Variants in SLC1A1 observed in about 807,000 individuals in gnomAD.
The protein encoded by SLC1A1 is excitatory amino acid transporter 3.
In SLC1A1, 43 loss-of-function variants were observed where a neutral mutation model predicts 53.3. The observed-to-expected ratio is 0.81, with a 90% CI of 0.63 to 1.04. SLC1A1 has a LOEUF of 1.04. Among genes scored for constraint, SLC1A1 ranks in the 50% least tolerant of loss-of-function variants. The pLI is 0.00. For synonymous variants in SLC1A1, 307 were observed against 243.2 expected (o/e 1.26, Z -2.44); for missense variants, 748 against 664.9 (o/e 1.12, Z -1.37).
At chr9:4,530,889 GTATGCTAA>G (rs753251847) in intron 1 of SLC1A1, among the ~76,000 whole-genome samples, 1 of 152,166 alleles carries the variant, frequency 6.6e-6, no homozygotes, top group Non-Finnish European at 1.5e-5. Context: ...ACCTAAAAAT[GTATGCTAA>G]TATGAACCTT....
At chr9:4,537,695 C>T (rs1274430457) in intron 1 of SLC1A1, among the ~76,000 whole-genome samples, 2 of 151,074 alleles carry the variant, frequency 1.3e-5, no homozygotes, top group African/African-American at 4.9e-5. Context: ...TGTATGATTA[C>T]ATTTATAGGA....
intron 1 of SLC1A1, among the ~76,000 whole-genome samples, chr9:4,537,937 A>T (rs1465507955): frequency 2.7e-5 from 4 of 150,476 alleles, no homozygotes; most frequent in African/African-American, 5.0e-5. Flanking sequence ...ATCTCAAAAA[A>T]AATTTACAAA....
chr9:4,579,318 A>G (rs902716842), intron 10 of SLC1A1, among the ~76,000 whole-genome samples: 39 of 152,184 alleles, frequency 2.6e-4, no homozygotes, highest in African/African-American at 9.2e-4. Flanking sequence ...TTACTTTTAC[A>G]TTTCCAAGGG....
At chr9:4,555,784 T>C (rs901898516) in intron 2 of SLC1A1, among the ~76,000 whole-genome samples, 2 of 152,206 alleles carry the variant, frequency 1.3e-5, no homozygotes, top group Non-Finnish European at 2.9e-5. Context: ...CATCTCAATC[T>C]GGTGACAGTT....
At chr9:4,532,644 A>T (rs1449861302) in intron 1 of SLC1A1, among the ~76,000 whole-genome samples, 2 of 152,238 alleles carry the variant, frequency 1.3e-5, no homozygotes, top group African/African-American at 4.8e-5. Flanking sequence ...ACTCTGCAGA[A>T]TATTATCCAG....
At chr9:4,576,841 C>G in intron 10 of SLC1A1, 78 bp downstream of exon 10, 2 of 1,249,848 alleles carry the variant, frequency 1.6e-6, no homozygotes, top group South Asian at 2.4e-5. Flanking sequence ...GAAGGGACAC[C>G]AAGAATGTCG....
At chr9:4,530,977 G>C (rs889768442) in intron 1 of SLC1A1, among the ~76,000 whole-genome samples, 5 of 152,176 alleles carry the variant, frequency 3.3e-5, no homozygotes, top group African/African-American at 1.2e-4. Context: ...AACTGTCAAG[G>C]ATTGGAGCAT....
At chr9:4,508,049 C>T (rs1820862685) in intron 1 of SLC1A1, among the ~76,000 whole-genome samples, 1 of 152,118 alleles carries the variant, frequency 6.6e-6, no homozygotes, top group Non-Finnish European at 1.5e-5. Context: ...AAGTCTGAGC[C>T]AAGGGACAGA....
At chr9:4,540,063 C>G (rs1161659095) in intron 1 of SLC1A1, among the ~76,000 whole-genome samples, 1 of 152,126 alleles carries the variant, frequency 6.6e-6, no homozygotes, top group Non-Finnish European at 1.5e-5. Context: ...CCATGGCCCT[C>G]CTGCCACCCA....
At chr9:4,574,114 A>T in intron 8 of SLC1A1, 100 bp downstream of exon 8, 1 of 811,970 alleles carries the variant, frequency 1.2e-6, no homozygotes, top group South Asian at 1.3e-5. Context: ...CTTCTGCCCT[A>T]TGTGCTGGGA....
At position 4,521,032 on chromosome 9, in the gene SLC1A1, G is replaced by A. The variant is rs546544417; in HGVS notation, c.92-23535G>A. On this transcript the variant is annotated intron_variant, in intron 1 of 11. Coordinates refer to ENST00000262352, the MANE Select transcript of SLC1A1 (RefSeq NM_004170.6). ...ATTTCCCTAATGACTAATAATATTC[G>A]ACATCTTTTTATATGCTTACTGTCC... Among the ~76,000 whole-genome samples, 12 of 151,920 alleles carry A rather than the reference G, an allele frequency of 7.9e-5. No homozygotes were observed. In the South Asian group the frequency reaches 1.7e-3, roughly 21 times the overall value.
intron 1 of SLC1A1, among the ~76,000 whole-genome samples, chr9:4,512,590 G>C (rs1374054470): frequency 6.6e-6 from 1 of 151,918 alleles, no homozygotes; most frequent in Non-Finnish European, 1.5e-5. Flanking sequence ...AAAGAAGAAA[G>C]TTGGAGGAAT....
In SLC1A1 at chr9:4,564,349, G is replaced by A. The variant is rs757860317; in HGVS notation, c.331G>A (p.Val111Met). 1.2e-6 allele frequency: 2 copies of A among 1,611,844 alleles called. No homozygotes were observed. Among genetic ancestry groups the A allele is most frequent in the African/African-American group, 1.3e-5 (1 of 74,872 alleles). ...TTLIAVILGIVLVVSIKPGVT... is the reference protein window; with the variant it reads ...TTLIAVILGIMLVVSIKPGVT... ...GACGCTGTTCTTGGCCACAGGTATT[G>A]TGCTGGTGGTGAGCATCAAGCCTGG... is the stretch of plus-strand genomic sequence containing the variant. The change falls in exon 4 of 12, where the codon GTG (valine) becomes ATG (methionine). Residue 111 changes from valine to methionine, a missense_variant. By Grantham distance (21) the Val-to-Met change is conservative. Transcript: ENST00000262352.
rs377142961 is a variant in SLC1A1, at chr9:4,564,327, G to T, written c.326-17G>T. The T allele has an allele frequency of 1.9e-6, 3 of 1,568,716 alleles. No homozygotes were observed. The East Asian group carries it at 6.7e-5, about 35-fold the overall frequency. ...GGAAGGTTCCTAATGCTCTGTGGAC[G>T]CTGTTCTTGGCCACAGGTATTGTGC... On this transcript the variant is annotated splice_polypyrimidine_tract_variant and intron_variant, in intron 3 of 11. Coordinates refer to ENST00000262352, the MANE Select transcript of SLC1A1 (RefSeq NM_004170.6).
At chr9:4,507,461 G>C (rs1820844387) in intron 1 of SLC1A1, among the ~76,000 whole-genome samples, 1 of 152,120 alleles carries the variant, frequency 6.6e-6, no homozygotes, top group Non-Finnish European at 1.5e-5. Context: ...GTTTGTTATT[G>C]TGTCTTAAAT....
At chr9:4,497,877 G>A (rs1489021898) in intron 1 of SLC1A1, among the ~76,000 whole-genome samples, 2 of 152,176 alleles carry the variant, frequency 1.3e-5, no homozygotes, top group South Asian at 4.1e-4. Flanking sequence ...ACAAGAAAGG[G>A]ACTTAGATTA....
At chr9:4,570,520 G>A in intron 6 of SLC1A1, among the ~76,000 whole-genome samples, 1 of 151,922 alleles carries the variant, frequency 6.6e-6, no homozygotes, top group Non-Finnish European at 1.5e-5. Context: ...ACAGGCACGT[G>A]CCACAATGCC....
chr9:4,567,988 G>T (rs879573556), intron 6 of SLC1A1, among the ~76,000 whole-genome samples: 2 of 152,132 alleles, frequency 1.3e-5, no homozygotes, highest in African/African-American at 4.8e-5. Context: ...CGACAGGCAC[G>T]TTCCCAGCTA....
intron 6 of SLC1A1, among the ~76,000 whole-genome samples, chr9:4,571,744 G>A (rs1820076285): frequency 6.6e-6 from 1 of 152,116 alleles, no homozygotes; most frequent in Non-Finnish European, 1.5e-5. Context: ...CATAAAGAGT[G>A]TTACTGTGCT....
Sources: allele counts gnomAD v4.1 joint callset (sites outside exome capture counted in the v4.1 genomes callset), GRCh38; gene constraint gnomAD v4.1.1; transcripts MANE v1.5; gene names NCBI Gene and HGNC (gene_info 2026-07-23, HGNC 2026-07-21).